The following ADAMTSL1 variants were observed in gnomAD, a reference collection of about 807,000 sequenced individuals.
The protein encoded by ADAMTSL1 is ADAMTS-like protein 1.
A neutral mutation model predicts 201.8 loss-of-function variants in ADAMTSL1; 126 were observed. The observed-to-expected ratio is 0.62, with a 90% confidence interval of 0.54 to 0.72. The LOEUF (loss-of-function observed/expected upper bound fraction) is 0.72, where lower values mean the gene tolerates loss of function less well. Ranked by LOEUF, ADAMTSL1 falls within the 30% of genes least tolerant of loss-of-function variation. The probability of loss-of-function intolerance (pLI) is 0.00; values close to 1 mark genes in which losing one functional copy is unlikely to be tolerated. For missense variants in ADAMTSL1, 2,679 were observed against 2,277.8 expected (o/e 1.18, Z -3.59); for synonymous variants, 1,121 against 903.4 (o/e 1.24, Z -4.32).
chr9:18,372,878 A>G (rs1586999521), intron 2 of ADAMTSL1, among the ~76,000 whole-genome samples: 1 of 152,200 alleles, frequency 6.6e-6, no homozygotes, highest in South Asian at 2.1e-4. Context: ...ACTAAATGGG[A>G]CAAAGCAACA....
intron 14 of ADAMTSL1, among the ~76,000 whole-genome samples, chr9:18,710,553 G>C (rs1180299460): frequency 6.6e-6 from 1 of 151,908 alleles, no homozygotes; most frequent in Non-Finnish European, 1.5e-5. Context: ...TATTGGTTTG[G>C]AGTTATGTAA....
At chr9:18,100,894 T>A (rs1824484942) in intron 1 of ADAMTSL1, among the ~76,000 whole-genome samples, 2 of 152,218 alleles carry the variant, frequency 1.3e-5, no homozygotes, top group Admixed American at 1.3e-4. Flanking sequence ...TACTCTTTTA[T>A]GAGTTTCAAA....
intron 2 of ADAMTSL1, among the ~76,000 whole-genome samples, chr9:18,385,355 G>C (rs1381346495): frequency 6.6e-6 from 1 of 151,926 alleles, no homozygotes; most frequent in Non-Finnish European, 1.5e-5. Context: ...TGAGGGTAGG[G>C]GTGGTGTTAC....
chr9:18,487,965 A>G (rs1274035382), intron 1 of ADAMTSL1, among the ~76,000 whole-genome samples: 2 of 152,208 alleles, frequency 1.3e-5, no homozygotes, highest in African/African-American at 2.4e-5. Context: ...GCCATAGTTT[A>G]GTGAGTGGCA....
chr9:18,727,882 C>T (rs1174379519), intron 15 of ADAMTSL1, among the ~76,000 whole-genome samples: 1 of 151,990 alleles, frequency 6.6e-6, no homozygotes, highest in African/African-American at 2.4e-5. Context: ...GAGTTCAAGA[C>T]CAGCCTGGCC....
chr9:18,758,622 C>T (rs1007894936), intron 16 of ADAMTSL1, among the ~76,000 whole-genome samples: 3 of 152,220 alleles, frequency 2.0e-5, no homozygotes, highest in Non-Finnish European at 4.4e-5. Context: ...CATCCTCTCT[C>T]TCTGACTCAG....
At chr9:18,132,474 A>G (rs1825992969) in intron 1 of ADAMTSL1, among the ~76,000 whole-genome samples, 1 of 152,152 alleles carries the variant, frequency 6.6e-6, no homozygotes, top group Admixed American at 6.6e-5. Flanking sequence ...GTTAAATATC[A>G]GAATATCAGC....
intron 1 of ADAMTSL1, among the ~76,000 whole-genome samples, chr9:18,162,808 A>G (rs1265508259): frequency 6.6e-6 from 1 of 152,040 alleles, no homozygotes; most frequent in Non-Finnish European, 1.5e-5. Context: ...TTCATTATAA[A>G]TATTATAAAT....
At chr9:18,137,887 T>A (rs1216984041) in intron 1 of ADAMTSL1, among the ~76,000 whole-genome samples, 1 of 152,144 alleles carries the variant, frequency 6.6e-6, no homozygotes, top group Non-Finnish European at 1.5e-5. Context: ...AAGAGAGGCA[T>A]CTTTGACCTA....
intron 1 of ADAMTSL1, among the ~76,000 whole-genome samples, chr9:17,924,849 C>G (rs1345601509): frequency 3.2e-5 from 2 of 62,774 alleles, no homozygotes; most frequent in African/African-American, 5.1e-5. Flanking sequence ...ACAAAATTGA[C>G]AAATGGGATC....
chr9:18,228,735 T>A (rs1830524256), intron 2 of ADAMTSL1, among the ~76,000 whole-genome samples: 1 of 152,180 alleles, frequency 6.6e-6, no homozygotes, highest in Admixed American at 6.5e-5. Flanking sequence ...TTCTAATGCC[T>A]TGCTCTCACA....
chr9:18,828,689 TA>T (rs1824768417), intron 22 of ADAMTSL1, among the ~76,000 whole-genome samples: 1 of 108,938 alleles, frequency 9.2e-6, no homozygotes, highest in Non-Finnish European at 1.8e-5. Context: ...TATATATATA[TA>T]TATAAAATGT....
chr9:18,856,738 G>T (rs565668278), intron 23 of ADAMTSL1, among the ~76,000 whole-genome samples: 2 of 152,110 alleles, frequency 1.3e-5, no homozygotes, highest in African/African-American at 4.8e-5. Context: ...GATTACAGAC[G>T]TGAGCCAGTG....
intron 15 of ADAMTSL1, among the ~76,000 whole-genome samples, chr9:18,734,196 T>TAA (rs1302194633): frequency 6.6e-6 from 1 of 152,232 alleles, no homozygotes; most frequent in Admixed American, 6.5e-5. Context: ...TCGCTCATAC[T>TAA]AAGTACTCTA....
intron 2 of ADAMTSL1, among the ~76,000 whole-genome samples, chr9:18,465,736 T>TTTTTGTTTTGTTTTG (rs60866155): frequency 5.3e-5 from 8 of 150,826 alleles, no homozygotes; most frequent in African/African-American, 9.8e-5. Flanking sequence ...CACAGGTATC[T>TTTTTGTTTTGTTTTG]TTTTGTTTTG....
intron 15 of ADAMTSL1, chr9:18,723,010 C>T: frequency 6.4e-6 from 5 of 779,358 alleles, no homozygotes; most frequent in Non-Finnish European, 1.2e-5. Flanking sequence ...GTCCTGTCAT[C>T]TAGGAAGAAG....
chr9:18,333,141 A>G, intron 2 of ADAMTSL1, among the ~76,000 whole-genome samples: 1 of 152,048 alleles, frequency 6.6e-6, no homozygotes, highest in East Asian at 1.9e-4. Context: ...AGGTGTGATT[A>G]TTATTTTTAT....
chr9:18,741,692 T>G (rs1818837418), intron 15 of ADAMTSL1, among the ~76,000 whole-genome samples: 1 of 152,028 alleles, frequency 6.6e-6, no homozygotes, highest in African/African-American at 2.4e-5. Context: ...CTTGTAGGAG[T>G]AGGGGCCTTC....
chr9:17,929,098 C>T (rs145221086), intron 1 of ADAMTSL1, among the ~76,000 whole-genome samples: 35 of 152,104 alleles, frequency 2.3e-4, no homozygotes, highest in South Asian at 4.2e-4. Flanking sequence ...AATTTTAAAA[C>T]GATGAAGAAT....
Sources: gnomAD v4.1 joint callset for allele counts (sites outside exome capture counted in the v4.1 genomes callset) on GRCh38, gnomAD v4.1.1 for gene constraint, MANE v1.5 for transcripts, NCBI Gene and HGNC (gene_info 2026-07-23, HGNC 2026-07-21) for gene names.